Variants in STIMATE observed in about 807,000 individuals in gnomAD.
STIMATE encodes the protein STIM activating enhancer.
STIMATE carries 15 observed loss-of-function variants against 36.7 expected under a neutral mutation model. The ratio of observed to expected loss-of-function variants is 0.41; its 90% confidence interval spans 0.27 to 0.63. STIMATE has a LOEUF of 0.63. Ranked by LOEUF, STIMATE falls within the 20% of genes least tolerant of loss-of-function variation. The pLI is 0.32. For missense variants in STIMATE, 305 were observed against 397.3 expected (o/e 0.77, Z 1.98); for synonymous variants, 163 against 162.3 (o/e 1.00, Z -0.03).
intron 1 of STIMATE, among the ~76,000 whole-genome samples, chr3:52,886,864 A>G (rs1238068655): frequency 6.6e-6 from 1 of 152,246 alleles, no homozygotes; most frequent in Non-Finnish European, 1.5e-5. Context: ...GGCATCACGT[A>G]TGCAGGCAGC....
At chr3:52,881,619 G>A (rs1475632387) in intron 1 of STIMATE, among the ~76,000 whole-genome samples, 4 of 151,858 alleles carry the variant, frequency 2.6e-5, no homozygotes, top group South Asian at 4.2e-4. Flanking sequence ...GGAGAATGGC[G>A]TGAACCCAGG....
chr3:52,873,745 C>T (rs945551102), intron 1 of STIMATE, among the ~76,000 whole-genome samples: 5 of 152,238 alleles, frequency 3.3e-5, no homozygotes, highest in Admixed American at 6.5e-5. Flanking sequence ...TGTTAGTGTA[C>T]GTTCTTCCTG....
chr3:52,876,895 G>T (rs1701510497), intron 1 of STIMATE, among the ~76,000 whole-genome samples: 1 of 152,148 alleles, frequency 6.6e-6, no homozygotes, highest in South Asian at 2.1e-4. Context: ...TAACCCCCAC[G>T]CTGTTCAAGG....
chr3:52,854,644 G>A (rs1701062898), intron 2 of STIMATE, among the ~76,000 whole-genome samples: 1 of 152,200 alleles, frequency 6.6e-6, no homozygotes, highest in African/African-American at 2.4e-5. Flanking sequence ...AGCCGTTCTA[G>A]CAAATTACTG....
In STIMATE at chr3:52,840,108, G is replaced by GT. The variant is rs1700770504; in HGVS notation, c.*385dup. On this transcript the variant is annotated 3_prime_UTR_variant, in exon 8 of 8. Transcript: ENST00000355083. ...TGTGTTCGCACTGCCCACAGCCACG[G>GT]TGAGGAGACCCACCCACGGTCTGTG... is the stretch of plus-strand genomic sequence containing the variant. The GT allele has an allele frequency of 6.5e-6, 1 of 152,730 alleles. No individual in the cohort carries two copies. Among genetic ancestry groups the GT allele is most frequent in the South Asian group, 2.1e-4 (1 of 4,832 alleles). 9.5% of individuals were successfully genotyped at this position (152,730 alleles called of 1,614,324 possible). A position where few individuals can be genotyped will look rare whatever the true frequency, so the allele number is the denominator to read the frequency against.
chr3:52,880,273 C>A (rs977170712), intron 1 of STIMATE, among the ~76,000 whole-genome samples: 2 of 152,224 alleles, frequency 1.3e-5, no homozygotes, highest in South Asian at 2.1e-4. Flanking sequence ...ACCAAGCCAC[C>A]TGCAGGAGAC....
At chr3:52,877,672 C>T (rs1375491968) in intron 1 of STIMATE, among the ~76,000 whole-genome samples, 1 of 152,230 alleles carries the variant, frequency 6.6e-6, no homozygotes, top group Admixed American at 6.5e-5. Context: ...AACTGTCCTA[C>T]CTCCCCAGGG....
rs1475575909 is a variant in STIMATE at position 52,897,472 on chromosome 3, G to GCGAGGGC, written c.-29_-23dup. ...GCATGACAGGCCTCGCGGGAGGGGCGCGAGGGCCCAGGGCCCGCCCGGCCT... is the reference window on the plus strand; with the variant it reads ...GCATGACAGGCCTCGCGGGAGGGGCGCGAGGGCCGAGGGCCCAGGGCCCGCCCGGCCT... On this transcript the variant is annotated 5_prime_UTR_variant, in exon 1 of 8. Coordinates refer to ENST00000355083, the MANE Select transcript of STIMATE (RefSeq NM_198563.5). 1 of 1,281,790 alleles carries GCGAGGGC rather than the reference G, an allele frequency of 7.8e-7. No homozygotes were observed. Among genetic ancestry groups the GCGAGGGC allele is most frequent in the East Asian group, 3.3e-5 (1 of 30,540 alleles). 79.4% of individuals were successfully genotyped at this position (1,281,790 alleles called of 1,614,324 possible). A position where few individuals can be genotyped will look rare whatever the true frequency, so the allele number is the denominator to read the frequency against.
intron 2 of STIMATE, among the ~76,000 whole-genome samples, chr3:52,854,005 A>T (rs1249760280): frequency 6.6e-6 from 1 of 152,228 alleles, no homozygotes; most frequent in Non-Finnish European, 1.5e-5. Flanking sequence ...CATTTCACGA[A>T]GGAAAAATTG....
chr3:52,891,085 A>ATTAC (rs10524427), intron 1 of STIMATE, among the ~76,000 whole-genome samples: 147,822 of 152,222 alleles, frequency 0.97, 71,930 homozygotes, highest in Middle Eastern at 1. Flanking sequence ...TTTAAATAAA[A>ATTAC]TTAAATAAAA....
At chr3:52,846,537 T>C (rs143483831) in intron 4 of STIMATE, 1 of 152,364 alleles carries the variant, frequency 6.6e-6, no homozygotes, top group East Asian at 1.9e-4. Context: ...GCTCGCTCAG[T>C]GTGCTCACTC....
chr3:52,892,935 C>T (rs1575353485), intron 1 of STIMATE, among the ~76,000 whole-genome samples: 1 of 151,844 alleles, frequency 6.6e-6, no homozygotes. Context: ...CTCAGGAAAA[C>T]AGGGGCCAGT....
chr3:52,856,419 G>A (rs1351975782), intron 1 of STIMATE, among the ~76,000 whole-genome samples: 1 of 152,226 alleles, frequency 6.6e-6, no homozygotes, highest in Non-Finnish European at 1.5e-5. Flanking sequence ...GGTGGCTCAT[G>A]CCTGTAATCC....
At chr3:52,885,129 T>C (rs1010295521) in intron 1 of STIMATE, among the ~76,000 whole-genome samples, 3 of 152,238 alleles carry the variant, frequency 2.0e-5, no homozygotes, top group Non-Finnish European at 4.4e-5. Context: ...TATATATTGG[T>C]ATCTCATCAC....
Position 52,838,780 on chromosome 3 carries a change from C to G in STIMATE, c.*1714G>C, listed in dbSNP as rs907190762. The G allele has an allele frequency of 4.3e-5, 6 of 139,738 alleles. No individual in the cohort carries two copies. The Admixed American group carries it at 4.6e-4, about 11-fold the overall frequency. 8.7% of individuals were successfully genotyped at this position (139,738 alleles called of 1,614,324 possible). A position where few individuals can be genotyped will look rare whatever the true frequency, so the allele number is the denominator to read the frequency against. On this transcript the variant is annotated 3_prime_UTR_variant, in exon 8 of 8. Coordinates refer to ENST00000355083, the MANE Select transcript of STIMATE (RefSeq NM_198563.5). Reference sequence around the variant, plus strand: ...AGAGGCAGAGGGCAGTCCCAGGGTACCTGGTTTAACAGCTGGGTTCATGCG... The same window carrying G: ...AGAGGCAGAGGGCAGTCCCAGGGTAGCTGGTTTAACAGCTGGGTTCATGCG...
chr3:52,886,472 G>C (rs1701687794), intron 1 of STIMATE, among the ~76,000 whole-genome samples: 1 of 152,166 alleles, frequency 6.6e-6, no homozygotes, highest in South Asian at 2.1e-4. Context: ...TCATCTCATA[G>C]GGATAATATG....
intron 3 of STIMATE, among the ~76,000 whole-genome samples, chr3:52,851,378 G>A (rs1700994574): frequency 6.6e-6 from 1 of 152,244 alleles, no homozygotes; most frequent in Non-Finnish European, 1.5e-5. Context: ...CAGGTGTGGT[G>A]AGCTTTCCAG....
intron 1 of STIMATE, among the ~76,000 whole-genome samples, chr3:52,870,430 A>G (rs1701382214): frequency 6.6e-6 from 1 of 151,940 alleles, no homozygotes; most frequent in African/African-American, 2.4e-5. Context: ...GACCCAAGAG[A>G]TATCAAGCTA....
intron 1 of STIMATE, among the ~76,000 whole-genome samples, chr3:52,870,504 G>A (rs1210087150): frequency 6.6e-6 from 1 of 151,850 alleles, no homozygotes; most frequent in Non-Finnish European, 1.5e-5. Flanking sequence ...GTGAGCACAC[G>A]AGAGTGGCAA....
Sources: gnomAD v4.1 joint callset for allele counts (sites outside exome capture counted in the v4.1 genomes callset) on GRCh38, gnomAD v4.1.1 for gene constraint, MANE v1.5 for transcripts, NCBI Gene and HGNC (gene_info 2026-07-23, HGNC 2026-07-21) for gene names.